TK2: variants seen among roughly 807,000 people sequenced by gnomAD.
TK2 encodes the protein thymidine kinase 2, mitochondrial.
Under a neutral mutation model 41.9 loss-of-function variants are expected in TK2, and 35 were observed. The ratio of observed to expected loss-of-function variants is 0.84; its 90% CI spans 0.64 to 1.11. TK2 has a LOEUF of 1.11. TK2 is among the 50% of genes least tolerant of loss of function. TK2 has a pLI of 0.00. For synonymous variants in TK2, 128 were observed against 129.1 expected (o/e 0.99, Z 0.06); for missense variants, 320 against 351.1 (o/e 0.91, Z 0.71).
At chr16:66,540,283 C>CCA (rs1268548878) in intron 3 of TK2, among the ~76,000 whole-genome samples, 1 of 151,358 alleles carries the variant, frequency 6.6e-6, no homozygotes, top group African/African-American at 2.4e-5. Context: ...AATAATCCTC[C>CCA]CACCTCAGCC....
chr16:66,536,430 T>C (rs1597100177), intron 4 of TK2, among the ~76,000 whole-genome samples: 3 of 151,972 alleles, frequency 2.0e-5, no homozygotes, highest in Admixed American at 2.0e-4. Flanking sequence ...GAACCTCGAA[T>C]TGGGGAAGGT....
intron 9 of TK2, among the ~76,000 whole-genome samples, 167 bp from the exon 10 acceptor site, chr16:66,512,233 G>A (rs143171498): frequency 6.6e-6 from 1 of 152,236 alleles, no homozygotes; most frequent in African/African-American, 2.4e-5. Flanking sequence ...TCAGCTCTAG[G>A]GCAATCTACA....
intron 6 of TK2, among the ~76,000 whole-genome samples, chr16:66,520,749 T>C (rs1306493912): frequency 6.6e-6 from 1 of 152,230 alleles, no homozygotes; most frequent in Non-Finnish European, 1.5e-5. Context: ...TGGGAGTTGA[T>C]GACACCTCAT....
At chr16:66,527,200 T>C (rs551118940) in intron 6 of TK2, among the ~76,000 whole-genome samples, 1 of 152,314 alleles carries the variant, frequency 6.6e-6, no homozygotes, top group African/African-American at 2.4e-5. Context: ...GAGGGCAAGC[T>C]GCAGCCCACA....
intron 2 of TK2, among the ~76,000 whole-genome samples, chr16:66,543,778 A>G (rs1292411155): frequency 6.6e-6 from 1 of 152,114 alleles, no homozygotes; most frequent in Non-Finnish European, 1.5e-5. Flanking sequence ...CTCCCCAGCA[A>G]CTAGAACTCT....
chr16:66,538,265 T>C (rs1026474141), intron 3 of TK2, among the ~76,000 whole-genome samples: 2 of 152,204 alleles, frequency 1.3e-5, no homozygotes, highest in African/African-American at 4.8e-5. Context: ...TTGTTTCTTC[T>C]GACCAGCATT....
chr16:66,530,895 T>A (rs1164891345), intron 5 of TK2, among the ~76,000 whole-genome samples: 1 of 152,060 alleles, frequency 6.6e-6, no homozygotes, highest in Non-Finnish European at 1.5e-5. Flanking sequence ...CTAATTTTTG[T>A]ATTTTTTAGT....
At chr16:66,540,809 A>G (rs2144455457) in intron 3 of TK2, among the ~76,000 whole-genome samples, 1 of 152,338 alleles carries the variant, frequency 6.6e-6, no homozygotes, top group Admixed American at 6.5e-5. Flanking sequence ...CTTCTTACCC[A>G]TGTAGACTCT....
rs3743715 is a variant in TK2, at chr16:66,550,091, G to T, written c.-30C>A. The T allele has an allele frequency of 1.9e-6, 3 of 1,604,882 alleles. No individual in the cohort carries two copies. Among genetic ancestry groups the T allele is most frequent in the Admixed American group, 3.4e-5 (2 of 58,352 alleles). On this transcript the variant is annotated 5_prime_UTR_variant, in exon 1 of 10. Transcript: ENST00000544898. ...GGGCGAGCGGATCCAGAGGCCCGGG[G>T]TTCCTTCTTGTGCGAGTCGGCGCGG...
chr16:66,544,613 C>T (rs867181652), intron 2 of TK2, among the ~76,000 whole-genome samples: 2 of 152,182 alleles, frequency 1.3e-5, no homozygotes, highest in Admixed American at 6.5e-5. Flanking sequence ...AGCACATGGC[C>T]GGCCTGGCCC....
In TK2 at chr16:66,529,121, G is replaced by A. The variant is rs1965029188; in HGVS notation, c.376-54C>T. ...ACTCAGGGGAAAAGGAGACAGCCAG[G>A]AGGCCTTGAGAAATGTCTGTTACTC... is the stretch of plus-strand genomic sequence containing the variant. On this transcript the variant is annotated intron_variant, in intron 5 of 9. Transcript: ENST00000544898. 1.9e-6 allele frequency: 3 copies of A among 1,550,400 alleles called. No individual in the cohort carries two copies. The Admixed American group carries it at 5.0e-5, about 26-fold the overall frequency.
intron 6 of TK2, among the ~76,000 whole-genome samples, 170 bp downstream of exon 6, chr16:66,528,824 T>C (rs191442130): frequency 6.6e-6 from 1 of 152,304 alleles, no homozygotes; most frequent in African/African-American, 2.4e-5. Context: ...TGAATGCAGA[T>C]AGCTGTCTGC....
intron 6 of TK2, among the ~76,000 whole-genome samples, chr16:66,523,631 C>A (rs1323084620): frequency 6.6e-6 from 1 of 152,060 alleles, no homozygotes; most frequent in Non-Finnish European, 1.5e-5. Context: ...GAGTTCGAGA[C>A]CGGCCTGGCC....
Position 66,509,372 on chromosome 16 carries a change from TAC to T in TK2, c.*2594_*2595del, listed in dbSNP as rs1310427620. 6.6e-6 allele frequency: 1 copy of T among 152,130 alleles called. No homozygotes were observed. The highest frequency in any genetic ancestry group is 6.6e-5 in the Admixed American group (1 of 15,256). The allele number at this position is 152,130 out of a possible 1,614,324, so 9.4% of individuals were successfully genotyped here. On this transcript the variant is annotated 3_prime_UTR_variant, in exon 10 of 10. Coordinates refer to ENST00000544898, the MANE Select transcript of TK2 (RefSeq NM_004614.5). ...ACCACAAAGCCCTGGACCACCCCACTACACACTTCTTTTATGTAAAAGATAAA... is the reference window on the plus strand; with the variant it reads ...ACCACAAAGCCCTGGACCACCCCACTACACTTCTTTTATGTAAAAGATAAA...
At chr16:66,545,551 C>T (rs1597110248) in intron 2 of TK2, among the ~76,000 whole-genome samples, 3 of 152,110 alleles carry the variant, frequency 2.0e-5, no homozygotes, top group East Asian at 1.9e-4. Flanking sequence ...CAACCAGGAG[C>T]GGTGGCTCAC....
Position 66,517,341 on chromosome 16 carries a change from G to A in TK2, c.539-126C>T. 1 of 844,716 alleles carries A rather than the reference G, an allele frequency of 1.2e-6. No individual in the cohort carries two copies. The highest frequency in any genetic ancestry group is 2.1e-6 in the Non-Finnish European group (1 of 486,154). The allele number at this position is 844,716 out of a possible 1,614,324, so 52.3% of individuals were successfully genotyped here. A position where few individuals can be genotyped will look rare whatever the true frequency, so the allele number is the denominator to read the frequency against. ...CAGGAAGCAGGGAGGGCCAGCTCTT[G>A]GCTTGACCACTGACCCTCCGCCTCG... On this transcript the variant is annotated intron_variant, in intron 7 of 9. Transcript: ENST00000544898. The surrounding 1 kb of genome is among the most constrained non-coding windows in gnomAD (Gnocchi z 4.3).
At chr16:66,546,171 A>G (rs865928038) in intron 2 of TK2, among the ~76,000 whole-genome samples, 13 of 152,218 alleles carry the variant, frequency 8.5e-5, no homozygotes, top group Non-Finnish European at 1.9e-4. Context: ...TCAAGGCTGC[A>G]GTAAGTTGTG....
rs930446555 is a variant in TK2, at chr16:66,511,221, A to T, written c.*747T>A. On this transcript the variant is annotated 3_prime_UTR_variant, in exon 10 of 10. Coordinates refer to ENST00000544898, the MANE Select transcript of TK2 (RefSeq NM_004614.5). ...AGCCAGCATGTGAATCTCAATGTCC[A>T]CATGAAGATGTGGTAGATGGGGCTG... is the stretch of plus-strand genomic sequence containing the variant. 18 of 153,900 alleles carry T rather than the reference A, an allele frequency of 1.2e-4. No individual in the cohort carries two copies. Among genetic ancestry groups the T allele is most frequent in the African/African-American group, 4.3e-4 (18 of 41,480 alleles). 9.5% of individuals were successfully genotyped at this position (153,900 alleles called of 1,614,324 possible).
intron 6 of TK2, among the ~76,000 whole-genome samples, chr16:66,524,540 G>T (rs1004622852): frequency 2.0e-5 from 3 of 152,084 alleles, no homozygotes; most frequent in Non-Finnish European, 4.4e-5. Flanking sequence ...GTCTTACTTT[G>T]TTGCCCAGGC....
Sources: allele counts gnomAD v4.1 joint callset (sites outside exome capture counted in the v4.1 genomes callset), GRCh38; gene constraint gnomAD v4.1.1; non-coding constraint Gnocchi (gnomAD v3.1); transcripts MANE v1.5; gene names NCBI Gene and HGNC (gene_info 2026-07-23, HGNC 2026-07-21).